Variants in ARHGEF37 observed in about 807,000 individuals in gnomAD.
ARHGEF37 encodes Rho guanine nucleotide exchange factor 37.
A neutral mutation model predicts 71.1 loss-of-function variants in ARHGEF37; 55 were observed. That is an observed-to-expected ratio of 0.77 (90% CI 0.62 to 0.97). ARHGEF37 has a LOEUF of 0.97. ARHGEF37 is among the 50% of genes least tolerant of loss of function. The probability of loss-of-function intolerance (pLI) is 0.00; values close to 1 mark genes in which losing one functional copy is unlikely to be tolerated. For synonymous variants in ARHGEF37, 327 were observed against 350.6 expected (o/e 0.93, Z 0.75); for missense variants, 765 against 836.8 (o/e 0.91, Z 1.06).
intron 1 of ARHGEF37, among the ~76,000 whole-genome samples, chr5:149,574,979 A>G (rs1763009288): frequency 6.6e-6 from 1 of 152,194 alleles, no homozygotes; most frequent in Admixed American, 6.5e-5. Context: ...CTCTCTAGAC[A>G]GATGATCTTT....
chr5:149,574,099 T>G (rs955057416), intron 1 of ARHGEF37, among the ~76,000 whole-genome samples: 4 of 152,250 alleles, frequency 2.6e-5, no homozygotes, highest in African/African-American at 9.6e-5. Flanking sequence ...TATAAATTAT[T>G]TCTATCCTTG....
intron 1 of ARHGEF37, among the ~76,000 whole-genome samples, chr5:149,552,625 G>A (rs1205127998): frequency 6.6e-6 from 1 of 152,152 alleles, no homozygotes; most frequent in Non-Finnish European, 1.5e-5. Context: ...ATCACTTGAG[G>A]TCAGTTGTTC....
rs3733662 is a variant in ARHGEF37, at chr5:149,628,904, C to G, written c.1756C>G (p.Pro586Ala). 2 of 1,613,314 alleles carry G rather than the reference C, an allele frequency of 1.2e-6. No homozygotes were observed. Among genetic ancestry groups the G allele is most frequent in the Non-Finnish European group, 1.7e-6 (2 of 1,179,930 alleles). Residue 586 changes from proline (P) to alanine (A), a missense_variant, in exon 12 of 13, where the codon CCC becomes GCC. Physicochemically the swap from Pro to Ala is conservative, Grantham distance 27. This residue lies in a region of ARHGEF37 where 390 missense variants were observed against 407.4 expected (regional missense o/e 0.96). Coordinates refer to ENST00000333677, the MANE Select transcript of ARHGEF37 (RefSeq NM_001001669.3). ...LRRQAGLNKD[P>A]RCLTPEPSPA... ...AAGGCAGGCGGGGCTGAACAAAGAC[C>G]CCCGATGTCTAACACCGGAGCCCAG... is the stretch of plus-strand genomic sequence containing the variant.
chr5:149,615,153 T>C (rs563538221), intron 4 of ARHGEF37, among the ~76,000 whole-genome samples: 1 of 152,174 alleles, frequency 6.6e-6, no homozygotes, highest in African/African-American at 2.4e-5. Context: ...AGAGTTTTTT[T>C]TGTTTTCACT....
intron 9 of ARHGEF37, 132 bp downstream of exon 9, chr5:149,622,194 A>G: frequency 3.4e-6 from 3 of 881,228 alleles, no homozygotes; most frequent in South Asian, 1.8e-5. Flanking sequence ...GCCCTTAGGA[A>G]GAGGCAGTGG....
intron 5 of ARHGEF37, 66 bp downstream of exon 5, chr5:149,616,832 A>G: frequency 6.9e-7 from 1 of 1,456,026 alleles, no homozygotes. Flanking sequence ...AAATTTATCT[A>G]AAATCTGCTT....
chr5:149,581,842 G>T (rs1263020585), intron 1 of ARHGEF37, among the ~76,000 whole-genome samples: 1 of 152,184 alleles, frequency 6.6e-6, no homozygotes, highest in Non-Finnish European at 1.5e-5. Flanking sequence ...TCGTTTTACA[G>T]GTGGGAAACT....
chr5:149,554,432 A>G (rs1453253636), intron 1 of ARHGEF37, among the ~76,000 whole-genome samples: 1 of 152,172 alleles, frequency 6.6e-6, no homozygotes, highest in Non-Finnish European at 1.5e-5. Flanking sequence ...CTACTGGTCT[A>G]AATGACTTCT....
At chr5:149,561,272 CAAAAA>C (rs11334969) in intron 1 of ARHGEF37, among the ~76,000 whole-genome samples, 2 of 63,240 alleles carry the variant, frequency 3.2e-5, no homozygotes, top group Admixed American at 1.6e-4. Flanking sequence ...GACTCTGTCT[CAAAAA>C]AAAAAAAAAA....
intron 1 of ARHGEF37, among the ~76,000 whole-genome samples, chr5:149,593,723 A>G (rs1763473897): frequency 6.6e-6 from 1 of 152,250 alleles, no homozygotes; most frequent in Non-Finnish European, 1.5e-5. Context: ...TATTTAAAAA[A>G]TCATGGAGAA....
At chr5:149,583,650 C>T (rs1246743629) in intron 1 of ARHGEF37, among the ~76,000 whole-genome samples, 2 of 152,190 alleles carry the variant, frequency 1.3e-5, no homozygotes, top group Non-Finnish European at 2.9e-5. Context: ...TTTTATTTAA[C>T]TAATGAGGTA....
chr5:149,563,945 A>AT (rs1371071049), intron 1 of ARHGEF37, among the ~76,000 whole-genome samples: 1 of 149,120 alleles, frequency 6.7e-6, no homozygotes, highest in Non-Finnish European at 1.5e-5. Flanking sequence ...AATTAGTTTA[A>AT]ATTTTTTTTT....
chr5:149,579,583 T>C (rs1763066910), upstream of ARHGEF37, among the ~76,000 whole-genome samples: 2 of 151,990 alleles, frequency 1.3e-5, no homozygotes, highest in African/African-American at 4.8e-5. Flanking sequence ...GTTATTATTA[T>C]TATTATTATT....
intron 3 of ARHGEF37, among the ~76,000 whole-genome samples, chr5:149,602,634 T>G (rs114779826): frequency 1.3e-5 from 2 of 151,884 alleles, no homozygotes; most frequent in Admixed American, 6.6e-5. Flanking sequence ...CTTCTTATTC[T>G]GAAATGGTTA....
At chr5:149,562,934 C>T (rs1197849551) in intron 1 of ARHGEF37, among the ~76,000 whole-genome samples, 1 of 152,212 alleles carries the variant, frequency 6.6e-6, no homozygotes, top group Non-Finnish European at 1.5e-5. Context: ...CCCCTCCCCC[C>T]TTGGCTCATT....
chr5:149,581,356 GGGGCT>G (rs1561787176), upstream of ARHGEF37: 3 of 152,246 alleles, frequency 2.0e-5, no homozygotes, highest in African/African-American at 7.2e-5. Flanking sequence ...CGAGCCGGCC[GGGGCT>G]GACTCCGGGA....
chr5:149,608,784 TC>T (rs1423914861), intron 3 of ARHGEF37, among the ~76,000 whole-genome samples: 1 of 152,172 alleles, frequency 6.6e-6, no homozygotes, highest in African/African-American at 2.4e-5. Context: ...TGTCCCTAGT[TC>T]CCTGGAATCC....
intron 1 of ARHGEF37, among the ~76,000 whole-genome samples, chr5:149,575,944 C>T (rs1478456591): frequency 1.3e-5 from 2 of 151,556 alleles, no homozygotes; most frequent in Non-Finnish European, 2.9e-5. Flanking sequence ...TGGTGGTTTT[C>T]AATACAAAAT....
intron 3 of ARHGEF37, among the ~76,000 whole-genome samples, chr5:149,603,800 G>A (rs147847760): frequency 4.6e-4 from 70 of 152,220 alleles, no homozygotes; most frequent in Non-Finnish European, 6.5e-4. Context: ...GCCAGATGTG[G>A]TGGCACACAC....
Sources: gnomAD v4.1 joint callset for allele counts (sites outside exome capture counted in the v4.1 genomes callset) on GRCh38, gnomAD v4.1.1 for gene constraint, gnomAD v4.1.1 regional missense constraint, MANE v1.5 for transcripts, NCBI Gene and HGNC (gene_info 2026-07-23, HGNC 2026-07-21) for gene names.